ANO1: variants seen among roughly 807,000 people sequenced by gnomAD.
ANO1 encodes the protein anoctamin 1, also known as anoctamin-1.
Under a neutral mutation model 124.0 loss-of-function variants are expected in ANO1, and 59 were observed. The observed-to-expected ratio is 0.48, with a 90% CI of 0.39 to 0.59. The LOEUF (loss-of-function observed/expected upper bound fraction) is 0.59, where lower values mean the gene tolerates loss of function less well. Ranked by LOEUF, ANO1 falls within the 20% of genes least tolerant of loss-of-function variation. The pLI is 0.00. For synonymous variants in ANO1, 529 were observed against 532.0 expected (o/e 0.99, Z 0.08); for missense variants, 1,059 against 1,328.0 (o/e 0.80, Z 3.15).
intron 1 of ANO1, among the ~76,000 whole-genome samples, chr11:70,032,472 G>T (rs529241780): frequency 6.6e-6 from 1 of 151,538 alleles, no homozygotes; most frequent in African/African-American, 2.4e-5. Flanking sequence ...TCCCTGGGTG[G>T]GGAGAGGAGA....
intron 1 of ANO1, among the ~76,000 whole-genome samples, chr11:69,992,578 C>G (rs541839933): frequency 1.3e-5 from 2 of 152,220 alleles, no homozygotes; most frequent in African/African-American, 4.8e-5. Context: ...AAAAGGCCTA[C>G]CAGTTAGGTA....
intron 12 of ANO1, among the ~76,000 whole-genome samples, chr11:70,152,065 G>A (rs1017909762): frequency 1.6e-4 from 25 of 152,058 alleles, no homozygotes; most frequent in Admixed American, 2.0e-4. Flanking sequence ...GACCGGGCGC[G>A]GTGGCTCACG....
chr11:70,037,640 C>T (rs889522873), intron 1 of ANO1, among the ~76,000 whole-genome samples: 1 of 152,080 alleles, frequency 6.6e-6, no homozygotes, highest in Non-Finnish European at 1.5e-5. Flanking sequence ...GAGAGGCGCT[C>T]CCTGAGCCTC....
chr11:70,026,162 GTGATGATGGTGGTGGTGGTGATGA>G (rs1565163810), intron 1 of ANO1, among the ~76,000 whole-genome samples: 1 of 144,930 alleles, frequency 6.9e-6, no homozygotes, highest in Non-Finnish European at 1.5e-5. Flanking sequence ...GATGATGATG[GTGATGATGGTGGTGGTGGTGATGA>G]TGATGATGGT....
chr11:70,023,534 T>C (rs1368278272), intron 1 of ANO1, among the ~76,000 whole-genome samples: 2 of 152,178 alleles, frequency 1.3e-5, no homozygotes, highest in Admixed American at 1.3e-4. Context: ...TCTTTACTTC[T>C]AGGGGTGAGA....
chr11:70,126,164 G>T lies in ANO1; in HGVS notation c.1066G>T (p.Gly356Ter). ...CGTGGGAATCATTGTCTTCCTGTAC[G>T]GATGCGCCACCATGGATGAAAACAT... The part of the protein sequence containing the change: ...SIVGIIVFLY[G>*]CATMDENIPS... Residue 356 changes from glycine (G) to a stop codon, truncating the protein, a stop_gained, in exon 10 of 26, where the codon GGA becomes TGA. Transcript: ENST00000355303. LOFTEE classifies it high-confidence loss of function. 1 of 1,613,274 alleles carries T rather than the reference G, an allele frequency of 6.2e-7. No individual in the cohort carries two copies. Among genetic ancestry groups the T allele is most frequent in the Non-Finnish European group, 8.5e-7 (1 of 1,179,578 alleles).
At chr11:70,149,672 T>A in intron 11 of ANO1, 38 bp from the exon 12 acceptor site, 1 of 1,589,720 alleles carries the variant, frequency 6.3e-7, no homozygotes, top group Non-Finnish European at 8.6e-7. Flanking sequence ...AAAATGCCTT[T>A]ATGTCATCAG....
intron 2 of ANO1, among the ~76,000 whole-genome samples, chr11:70,088,292 A>G (rs970226185): frequency 8.5e-5 from 13 of 152,196 alleles, no homozygotes; most frequent in African/African-American, 3.1e-4. Flanking sequence ...GGGGTGGTTC[A>G]CGAGGTCAAG....
At chr11:70,111,156 C>G (rs1166274524) in intron 6 of ANO1, 1 of 456,878 alleles carries the variant, frequency 2.2e-6, no homozygotes, top group Non-Finnish European at 4.4e-6. Context: ...AAGGACTCCG[C>G]CCTTCTAAGT....
At chr11:70,164,892 C>A (rs962009478) in intron 19 of ANO1, among the ~76,000 whole-genome samples, 2 of 152,206 alleles carry the variant, frequency 1.3e-5, no homozygotes, top group African/African-American at 4.8e-5. Flanking sequence ...CTGCTTACTC[C>A]CTCCCAGTGC....
At chr11:70,117,100 C>CTTTTTTTTTTTTTTTTTTT (rs756764991) in intron 8 of ANO1, among the ~76,000 whole-genome samples, 1 of 61,550 alleles carries the variant, frequency 1.6e-5, no homozygotes, top group African/African-American at 6.3e-5. Context: ...TTGTTTCTTT[C>CTTTTTTTTTTTTTTTTTTT]TTTTTTTTTT....
At chr11:70,079,477 G>A (rs1295087297) in intron 1 of ANO1, among the ~76,000 whole-genome samples, 1 of 152,028 alleles carries the variant, frequency 6.6e-6, no homozygotes, top group Non-Finnish European at 1.5e-5. Context: ...CAGACCCAGA[G>A]GTCTAGGTAA....
chr11:70,009,598 G>T (rs1856552910), intron 1 of ANO1, among the ~76,000 whole-genome samples: 1 of 144,276 alleles, frequency 6.9e-6, no homozygotes, highest in African/African-American at 2.7e-5. Context: ...CATGAGGCTG[G>T]GTAATTCACA....
chr11:70,164,943 T>TAGGC (rs1489735119), intron 19 of ANO1, among the ~76,000 whole-genome samples: 1 of 152,178 alleles, frequency 6.6e-6, no homozygotes, highest in East Asian at 1.9e-4. Context: ...CAGCAGCCTG[T>TAGGC]AGGCGGAGTG....
At chr11:69,968,408 A>G in the ANO1 span, among the ~76,000 whole-genome samples, 2 of 152,200 alleles carry the variant, frequency 1.3e-5, no homozygotes, top group Non-Finnish European at 2.9e-5. Context: ...CAGGGTGAGC[A>G]TTTGCAAAAA....
chr11:70,126,139 C>T lies in ANO1; in HGVS notation c.1041C>T (p.Ile347=), dbSNP rs376965274. The change falls in exon 10 of 26, where the codon ATC becomes ATT. Residue 347 remains isoleucine (I), a synonymous_variant. Transcript: ENST00000355303. Reference sequence around the variant, plus strand: ...CCCAGATGCTCATCCCTGCCTCCATCGTGGGAATCATTGTCTTCCTGTACG... The same window carrying T: ...CCCAGATGCTCATCCCTGCCTCCATTGTGGGAATCATTGTCTTCCTGTACG... ...VYTQMLIPAS[I]VGIIVFLYGC... 2.4e-5 allele frequency: 39 copies of T among 1,613,710 alleles called. No individual in the cohort carries two copies. The Middle Eastern group carries it at 5.0e-4, about 20-fold the overall frequency.
chr11:70,086,751 C>T (rs761217915), intron 1 of ANO1, among the ~76,000 whole-genome samples: 12 of 152,224 alleles, frequency 7.9e-5, no homozygotes, highest in African/African-American at 2.7e-4. Context: ...CCCAGCAGGA[C>T]GGACCCCAGC....
At chr11:70,013,875 C>T (rs1856648948) in intron 1 of ANO1, among the ~76,000 whole-genome samples, 1 of 149,950 alleles carries the variant, frequency 6.7e-6, no homozygotes, top group African/African-American at 2.5e-5. Context: ...TGTCTTACAG[C>T]TCTAAAGGCT....
At chr11:70,149,399 C>T (rs902198260) in intron 11 of ANO1, 16 of 366,362 alleles carry the variant, frequency 4.4e-5, no homozygotes, top group Non-Finnish European at 8.3e-5. Context: ...GCCTGTAGTC[C>T]CCACACTTTG....
Sources: gnomAD v4.1 joint callset for allele counts (sites outside exome capture counted in the v4.1 genomes callset) on GRCh38, gnomAD v4.1.1 for gene constraint, MANE v1.5 for transcripts, NCBI Gene and HGNC (gene_info 2026-07-23, HGNC 2026-07-21) for gene names.